ZNF385D: variants seen among roughly 807,000 people sequenced by gnomAD.
The protein encoded by ZNF385D is zinc finger protein 659.
In ZNF385D, 15 loss-of-function variants were observed where a neutral mutation model predicts 35.8. The ratio of observed to expected loss-of-function variants is 0.42; its 90% CI spans 0.28 to 0.64. The LOEUF is 0.64. Among genes scored for constraint, ZNF385D ranks in the 30% least tolerant of loss-of-function variants. ZNF385D has a pLI of 0.23. For synonymous variants in ZNF385D, 212 were observed against 186.8 expected, an observed-to-expected ratio of 1.13 and a Z score of -1.10; for missense variants, 474 against 494.6, an observed-to-expected ratio of 0.96 and a Z score of 0.39.
At chr3:22,268,004 A>G (rs1436386488) in intron 2 of ZNF385D, among the ~76,000 whole-genome samples, 4 of 152,018 alleles carry the variant, frequency 2.6e-5, no homozygotes, top group African/African-American at 9.7e-5. Context: ...AAGAAAGCAA[A>G]TATTCTTTCT....
chr3:21,608,012 C>CTTTTTTTTTTTTTTTTTTTTTTTTTTT (rs368555930), intron 2 of ZNF385D, among the ~76,000 whole-genome samples: 19 of 123,964 alleles, frequency 1.5e-4, no homozygotes, highest in African/African-American at 5.9e-4. Flanking sequence ...TCTTTTTCTT[C>CTTTTTTTTTTTTTTTTTTTTTTTTTTT]TTTTTTTTTT....
intron 2 of ZNF385D, among the ~76,000 whole-genome samples, chr3:22,193,446 A>G (rs1467082355): frequency 6.6e-6 from 1 of 152,116 alleles, no homozygotes; most frequent in Non-Finnish European, 1.5e-5. Context: ...TATATATGAT[A>G]TTAACGAATA....
chr3:21,813,719 C>T (rs1192137919), intron 3 of ZNF385D, among the ~76,000 whole-genome samples: 5 of 152,104 alleles, frequency 3.3e-5, no homozygotes, highest in African/African-American at 7.2e-5. Flanking sequence ...ACCAAATCTA[C>T]GTCTGATTGG....
intron 4 of ZNF385D, among the ~76,000 whole-genome samples, chr3:21,471,269 T>TCTTC (rs1559323442): frequency 1.8e-5 from 2 of 108,346 alleles, no homozygotes; most frequent in African/African-American, 7.5e-5. Flanking sequence ...TCTCTCTCTC[T>TCTTC]CTCTTTCTCT....
chr3:21,673,522 TGAG>T (rs1426859225), intron 1 of ZNF385D, among the ~76,000 whole-genome samples: 4 of 152,050 alleles, frequency 2.6e-5, no homozygotes, highest in Non-Finnish European at 5.9e-5. Context: ...CTTTTCAGAT[TGAG>T]GAGAAGAGTT....
chr3:22,073,729 A>G (rs1576269816), intron 3 of ZNF385D, among the ~76,000 whole-genome samples: 2 of 152,102 alleles, frequency 1.3e-5, no homozygotes, highest in South Asian at 4.1e-4. Context: ...GACAGTTTGT[A>G]TTAAGAACTG....
At chr3:22,212,402 T>G (rs1201799603) in intron 2 of ZNF385D, among the ~76,000 whole-genome samples, 1 of 152,040 alleles carries the variant, frequency 6.6e-6, no homozygotes, top group Non-Finnish European at 1.5e-5. Context: ...TTGAGAAGAT[T>G]GGAGGGCAAA....
At chr3:21,706,391 A>C (rs1469123960) in intron 1 of ZNF385D, among the ~76,000 whole-genome samples, 1 of 152,190 alleles carries the variant, frequency 6.6e-6, no homozygotes, top group Non-Finnish European at 1.5e-5. Context: ...GAAGAACCAT[A>C]TATTTCTCCA....
chr3:21,788,245 G>A (rs1481744478), intron 3 of ZNF385D, among the ~76,000 whole-genome samples: 1 of 152,242 alleles, frequency 6.6e-6, no homozygotes, highest in Non-Finnish European at 1.5e-5. Context: ...TCGGGAGGCC[G>A]AGGTGAGTGA....
intron 3 of ZNF385D, among the ~76,000 whole-genome samples, chr3:21,762,682 G>A (rs1264017953): frequency 6.6e-6 from 1 of 152,108 alleles, no homozygotes; most frequent in East Asian, 1.9e-4. Flanking sequence ...TGTTGCTAAG[G>A]TGCTAAAAGT....
At chr3:21,746,828 C>G (rs1329329711) in intron 1 of ZNF385D, among the ~76,000 whole-genome samples, 1 of 152,152 alleles carries the variant, frequency 6.6e-6, no homozygotes, top group African/African-American at 2.4e-5. Flanking sequence ...CTGATCGTTT[C>G]CTTCCTCATA....
intron 3 of ZNF385D, among the ~76,000 whole-genome samples, chr3:21,873,027 G>T (rs1235036770): frequency 3.9e-5 from 6 of 151,990 alleles, no homozygotes; most frequent in African/African-American, 1.4e-4. Context: ...ATCAAGTCAA[G>T]GTTCGGCATC....
intron 3 of ZNF385D, among the ~76,000 whole-genome samples, chr3:22,131,286 T>A (rs1438304473): frequency 6.6e-6 from 1 of 152,032 alleles, no homozygotes; most frequent in African/African-American, 2.4e-5. Flanking sequence ...CCTTTGGATT[T>A]AGCAGCATGA....
intron 2 of ZNF385D, among the ~76,000 whole-genome samples, chr3:21,567,089 A>G (rs1213397799): frequency 6.6e-6 from 1 of 150,888 alleles, no homozygotes; most frequent in East Asian, 1.9e-4. Context: ...GTATTTATCC[A>G]TTTGCCATTG....
chr3:22,202,630 C>T (rs1012841328), intron 2 of ZNF385D, among the ~76,000 whole-genome samples: 1 of 152,114 alleles, frequency 6.6e-6, no homozygotes. Context: ...AACTTCCTAT[C>T]TTTGAAAGAG....
intron 2 of ZNF385D, among the ~76,000 whole-genome samples, chr3:21,591,188 TCAAAA>T (rs1355011210): frequency 2.0e-5 from 3 of 152,070 alleles, no homozygotes; most frequent in Non-Finnish European, 4.4e-5. Flanking sequence ...AGACCACATC[TCAAAA>T]CAAAACAAAG....
At chr3:22,252,836 T>C (rs1213599466) in intron 2 of ZNF385D, among the ~76,000 whole-genome samples, 1 of 152,046 alleles carries the variant, frequency 6.6e-6, no homozygotes, top group Non-Finnish European at 1.5e-5. Context: ...TATTGCTGAG[T>C]TGAGAAGATA....
At chr3:22,233,271 T>C (rs893434176) in intron 2 of ZNF385D, among the ~76,000 whole-genome samples, 1 of 152,070 alleles carries the variant, frequency 6.6e-6, no homozygotes, top group African/African-American at 2.4e-5. Flanking sequence ...TTAAGACACA[T>C]ACAACAACAT....
chr3:21,673,810 G>A (rs1032918568), intron 1 of ZNF385D, among the ~76,000 whole-genome samples: 2 of 152,098 alleles, frequency 1.3e-5, no homozygotes, highest in African/African-American at 4.8e-5. Context: ...GTGTTTATTA[G>A]TATCTGATAA....
Sources: allele counts gnomAD v4.1 joint callset (sites outside exome capture counted in the v4.1 genomes callset), GRCh38; gene constraint gnomAD v4.1.1; transcripts MANE v1.5; gene names NCBI Gene and HGNC (gene_info 2026-07-23, HGNC 2026-07-21).